Variants in DLGAP2 observed in about 807,000 individuals in gnomAD.
DLGAP2 encodes the protein disks large-associated protein 2.
Under a neutral mutation model 100.3 loss-of-function variants are expected in DLGAP2, and 26 were observed. The observed-to-expected ratio is 0.26, with a 90% CI of 0.19 to 0.36. The LOEUF (loss-of-function observed/expected upper bound fraction) is 0.36. DLGAP2 is among the 10% of genes least tolerant of loss of function. The pLI is 1.00. For missense variants in DLGAP2, 1,858 were observed against 1,453.2 expected (o/e 1.28, Z -4.53); for synonymous variants, 886 against 630.1 (o/e 1.41, Z -6.08).
intron 3 of DLGAP2, among the ~76,000 whole-genome samples, chr8:1,388,999 G>T (rs1796283944): frequency 1.4e-5 from 2 of 142,772 alleles, no homozygotes; most frequent in African/African-American, 5.4e-5. Flanking sequence ...AGGTGTCAGG[G>T]CTGTGAGAGC....
chr8:1,052,585 A>G (rs969575074), intron 2 of DLGAP2, among the ~76,000 whole-genome samples: 7 of 152,146 alleles, frequency 4.6e-5, no homozygotes, highest in East Asian at 1.9e-4. Flanking sequence ...AAGAGGTGGC[A>G]TTTAGCTTTG....
At chr8:1,050,995 GGA>G (rs1802666656) in intron 2 of DLGAP2, among the ~76,000 whole-genome samples, 1 of 30,118 alleles carries the variant, frequency 3.3e-5, no homozygotes, top group Non-Finnish European at 7.4e-5. Flanking sequence ...TTCGTGGGTG[GGA>G]GTCATTTTGT....
chr8:1,569,204 T>C (rs1802556753), intron 6 of DLGAP2, among the ~76,000 whole-genome samples: 2 of 151,746 alleles, frequency 1.3e-5, no homozygotes, highest in African/African-American at 2.4e-5. Flanking sequence ...CCCCATGCCA[T>C]TGTCCACTTA....
intron 6 of DLGAP2, among the ~76,000 whole-genome samples, chr8:1,625,397 G>T (rs150917592): frequency 6.6e-6 from 1 of 152,150 alleles, no homozygotes; most frequent in East Asian, 1.9e-4. Flanking sequence ...ACACTCACAG[G>T]GTTCTTCCAT....
At position 1,202,391 on chromosome 8, in the gene DLGAP2, A is replaced by G. The variant is rs77578429; in HGVS notation, c.74-56460A>G. Among the ~76,000 whole-genome samples the G allele has an allele frequency of 7.4e-3, 1,127 of 152,074 alleles. 20 individuals are homozygous for G. Among genetic ancestry groups the G allele is most frequent in the African/African-American group, 0.025 (1,053 of 41,462 alleles). On this transcript the variant is annotated intron_variant, in intron 2 of 14. Transcript: ENST00000637795. ...CTGTTGTGCTGTGCAGTGGACGTCC[A>G]TGCTGTTGTGGGGCGTGTGTGAGCC... is the stretch of plus-strand genomic sequence containing the variant.
intron 2 of DLGAP2, among the ~76,000 whole-genome samples, chr8:1,062,503 A>T (rs1246124839): frequency 2.6e-5 from 4 of 151,968 alleles, no homozygotes; most frequent in South Asian, 2.1e-4. Flanking sequence ...GTCAAGGATG[A>T]CTCATTTCTG....
chr8:1,535,569 T>G (rs1554492736), intron 4 of DLGAP2, among the ~76,000 whole-genome samples: 1 of 152,242 alleles, frequency 6.6e-6, no homozygotes, highest in Non-Finnish European at 1.5e-5. Context: ...TGTGAACTCT[T>G]GCATTGTTGG....
chr8:995,819 G>T (rs1218011080), intron 2 of DLGAP2, among the ~76,000 whole-genome samples: 1 of 149,300 alleles, frequency 6.7e-6, no homozygotes, highest in African/African-American at 2.4e-5. Context: ...GGTGCTAACA[G>T]CATAGAGACT....
chr8:1,526,335 A>T (rs1800791479), intron 4 of DLGAP2, among the ~76,000 whole-genome samples: 1 of 152,086 alleles, frequency 6.6e-6, no homozygotes, highest in South Asian at 2.1e-4. Context: ...GCCTACCGGC[A>T]GGGCTGAGAG....
chr8:1,089,864 G>A (rs1213363354), intron 2 of DLGAP2, among the ~76,000 whole-genome samples: 1 of 152,214 alleles, frequency 6.6e-6, no homozygotes, highest in African/African-American at 2.4e-5. Flanking sequence ...GGGGGTTGGA[G>A]ACACATGTGA....
chr8:1,361,684 T>C (rs145867172), intron 3 of DLGAP2, among the ~76,000 whole-genome samples: 409 of 152,338 alleles, frequency 2.7e-3, no homozygotes, highest in African/African-American at 9.3e-3. Context: ...ACTAAATTGA[T>C]GTCAAGCACC....
intron 3 of DLGAP2, among the ~76,000 whole-genome samples, chr8:1,449,878 C>T (rs1396780356): frequency 1.0e-4 from 15 of 147,700 alleles, no homozygotes; most frequent in African/African-American, 3.0e-4. Flanking sequence ...TGGGCGGCCT[C>T]GGTGGCTGAG....
At chr8:1,358,111 A>C (rs879908871) in intron 3 of DLGAP2, among the ~76,000 whole-genome samples, 6 of 152,176 alleles carry the variant, frequency 3.9e-5, no homozygotes, top group African/African-American at 7.2e-5. Context: ...AGTTGGGTAG[A>C]AGTGAAGATT....
intron 3 of DLGAP2, among the ~76,000 whole-genome samples, chr8:1,409,380 G>A (rs1796666282): frequency 6.6e-6 from 1 of 152,126 alleles, no homozygotes; most frequent in South Asian, 2.1e-4. Flanking sequence ...TAGGCGCCCA[G>A]CTCTCCTTGG....
chr8:1,567,162 C>T (rs1802437598), intron 6 of DLGAP2, among the ~76,000 whole-genome samples: 1 of 152,210 alleles, frequency 6.6e-6, no homozygotes, highest in East Asian at 1.9e-4. Context: ...GGGAGCTGGA[C>T]AGAGCTGGGA....
At chr8:1,041,714 G>T (rs1451521047) in intron 2 of DLGAP2, among the ~76,000 whole-genome samples, 1 of 109,386 alleles carries the variant, frequency 9.1e-6, no homozygotes, top group African/African-American at 4.1e-5. Flanking sequence ...TGCCGTGGGT[G>T]AGTGTTCTCC....
intron 2 of DLGAP2, among the ~76,000 whole-genome samples, chr8:925,674 C>G (rs1250204344): frequency 6.6e-6 from 1 of 152,008 alleles, no homozygotes; most frequent in African/African-American, 2.4e-5. Flanking sequence ...AGACCCCATG[C>G]TTATATATAT....
At chr8:1,452,286 C>T (rs778844213) in intron 3 of DLGAP2, among the ~76,000 whole-genome samples, 17 of 152,154 alleles carry the variant, frequency 1.1e-4, no homozygotes, top group East Asian at 3.9e-4. Context: ...TGTGGCTGGG[C>T]GCTCTGTTGC....
intron 3 of DLGAP2, among the ~76,000 whole-genome samples, chr8:1,308,235 T>C (rs1407015967): frequency 6.6e-6 from 1 of 152,202 alleles, no homozygotes; most frequent in Non-Finnish European, 1.5e-5. Context: ...CGTTTGTAGC[T>C]CTTGGCATTT....
Sources: gnomAD v4.1 joint callset for allele counts (sites outside exome capture counted in the v4.1 genomes callset) on GRCh38, gnomAD v4.1.1 for gene constraint, MANE v1.5 for transcripts, NCBI Gene and HGNC (gene_info 2026-07-23, HGNC 2026-07-21) for gene names.